Variants in ZC2HC1B observed in about 807,000 individuals in gnomAD.
ZC2HC1B encodes zinc finger C2HC domain-containing protein 1B.
ZC2HC1B carries 36 observed loss-of-function variants against 31.0 expected under a neutral mutation model. The observed-to-expected ratio is 1.16, with a 90% confidence interval of 0.89 to 1.54. The LOEUF is 1.54. ZC2HC1B is among the 40% of genes most tolerant of loss of function. The pLI is 0.00. For missense variants in ZC2HC1B, 260 were observed against 268.6 expected, an observed-to-expected ratio of 0.97 and a Z score of 0.22; for synonymous variants, 73 against 88.0, an observed-to-expected ratio of 0.83 and a Z score of 0.95.
chr6:143,933,098 G>C lies in ZC2HC1B; in HGVS notation c.599-4551G>C, dbSNP rs961408506. 6.6e-6 allele frequency among the ~76,000 whole-genome samples: 1 copy of C among 152,234 alleles called. No individual in the cohort carries two copies. The highest frequency in any genetic ancestry group is 2.1e-4 in the South Asian group (1 of 4,834). ...GTCCTTGGTTGTAAATATGTTTACT[G>C]TGTTGTCTTTCTTGAATGCTGGTTA... On this transcript the variant is annotated intron_variant, in intron 6 of 7. Coordinates refer to ENST00000237275, the MANE Select transcript of ZC2HC1B (RefSeq NM_001013623.3). This position sits in a 1 kb window ranked among gnomAD's most constrained non-coding sequence, Gnocchi z 6.4.
At chr6:143,912,340 G>A (rs1349086734) in intron 6 of ZC2HC1B, among the ~76,000 whole-genome samples, 1 of 152,180 alleles carries the variant, frequency 6.6e-6, no homozygotes, top group Admixed American at 6.5e-5. Context: ...AGGAAAAGGG[G>A]CACTCTGGCT....
In ZC2HC1B at chr6:143,868,765, C is replaced by T. The variant is rs914591566; in HGVS notation, c.28+4198C>T. 1.3e-5 allele frequency among the ~76,000 whole-genome samples: 2 copies of T among 152,194 alleles called. No individual in the cohort carries two copies. The highest frequency in any genetic ancestry group is 4.8e-5 in the African/African-American group (2 of 41,462). ...ATAATAAGGTCATAATTATGCCTAA[C>T]GTAATACAACTATCCTTAATACAAC... is the stretch of plus-strand genomic sequence containing the variant. On this transcript the variant is annotated intron_variant, in intron 1 of 7. Coordinates refer to ENST00000237275, the MANE Select transcript of ZC2HC1B (RefSeq NM_001013623.3). The surrounding 1 kb of genome is among the most constrained non-coding windows in gnomAD (Gnocchi z 4.2).
At chr6:143,902,941 C>A in intron 5 of ZC2HC1B, 103 bp from the exon 6 acceptor site, 1 of 1,029,332 alleles carries the variant, frequency 9.7e-7, no homozygotes, top group Non-Finnish European at 1.4e-6. Flanking sequence ...GCAGATGATA[C>A]CATTCTGCTG....
At chr6:143,926,366 C>T (rs146422481) in intron 6 of ZC2HC1B, among the ~76,000 whole-genome samples, 3,941 of 152,276 alleles carry the variant, frequency 0.026, 101 homozygotes, top group Admixed American at 0.073. Flanking sequence ...CTGTCTTCTT[C>T]ATTGACCCAA....
At chr6:143,925,566 C>T (rs1269138202) in intron 6 of ZC2HC1B, among the ~76,000 whole-genome samples, 7 of 123,704 alleles carry the variant, frequency 5.7e-5, no homozygotes, top group African/African-American at 9.4e-5. Context: ...GACGGAGTTT[C>T]GCTCTTGTTG....
In ZC2HC1B at chr6:143,872,013, ACATCAGCTCAGAGCCAGTGTC is replaced by A. The variant is rs367825076; in HGVS notation, c.28+7449_28+7469del. On this transcript the variant is annotated intron_variant, in intron 1 of 7. Coordinates refer to ENST00000237275, the MANE Select transcript of ZC2HC1B (RefSeq NM_001013623.3). This position sits in a 1 kb window ranked among gnomAD's most constrained non-coding sequence, Gnocchi z 5.5. ...TGACGTTTTGGGTCCCCTGGAATCA[ACATCAGCTCAGAGCCAGTGTC>A]CAGTAGTTTCCGAAATGTCTGATCA... is the stretch of plus-strand genomic sequence containing the variant. Among the ~76,000 whole-genome samples the A allele has an allele frequency of 0.01, 1,525 of 152,324 alleles. 24 individuals carry two copies. The highest frequency in any genetic ancestry group is 0.034 in the African/African-American group (1,410 of 41,570).
chr6:143,888,107 G>A (rs566119447), intron 4 of ZC2HC1B, among the ~76,000 whole-genome samples: 7 of 151,872 alleles, frequency 4.6e-5, no homozygotes, highest in African/African-American at 1.2e-4. Context: ...TTCCAACATC[G>A]TTTTTTTGCA....
rs1218656145 is a variant in ZC2HC1B, at chr6:143,934,541, C to G, written c.599-3108C>G. Among the ~76,000 whole-genome samples the G allele has an allele frequency of 6.6e-6, 1 of 152,116 alleles. No homozygotes were observed. Among genetic ancestry groups the G allele is most frequent in the Non-Finnish European group, 1.5e-5 (1 of 68,040 alleles). ...TTTTATGTTTCTTGTGTTCCTATGC[C>G]AATATCTCTGCATCTGGTGTAACAG... On this transcript the variant is annotated intron_variant, in intron 6 of 7. Transcript: ENST00000237275. This position sits in a 1 kb window ranked among gnomAD's most constrained non-coding sequence, Gnocchi z 4.6.
chr6:143,891,724 A>G (rs573223356), intron 4 of ZC2HC1B, among the ~76,000 whole-genome samples: 1 of 152,046 alleles, frequency 6.6e-6, no homozygotes, highest in East Asian at 1.9e-4. Flanking sequence ...AAAAAAGAAA[A>G]AAAAGAAATT....
At position 143,864,507 on chromosome 6, in the gene ZC2HC1B, CTG is replaced by C. The variant is rs1314949797; in HGVS notation, c.-30_-29del. The C allele has an allele frequency of 1.9e-6, 3 of 1,551,370 alleles. No individual in the cohort carries two copies. Among genetic ancestry groups the C allele is most frequent in the South Asian group, 2.4e-5 (2 of 84,054 alleles). On this transcript the variant is annotated 5_prime_UTR_variant, in exon 1 of 8. It removes the in-frame stop codon of an upstream open reading frame in the 5' UTR. Coordinates refer to ENST00000237275, the MANE Select transcript of ZC2HC1B (RefSeq NM_001013623.3). ...GTTATCTGGACTGGGCTGTAAAAATCTGTGAACACTGTTGCTCTGAGTTAGGA... is the reference window on the plus strand; with the variant it reads ...GTTATCTGGACTGGGCTGTAAAAATCTGAACACTGTTGCTCTGAGTTAGGA...
At chr6:143,926,327 C>T (rs1440780656) in intron 6 of ZC2HC1B, among the ~76,000 whole-genome samples, 5 of 152,126 alleles carry the variant, frequency 3.3e-5, no homozygotes, top group African/African-American at 4.8e-5. Flanking sequence ...TGTTTCCATT[C>T]TCATTTGTCT....
At chr6:143,925,391 G>C (rs1211030555) in intron 6 of ZC2HC1B, among the ~76,000 whole-genome samples, 1 of 151,418 alleles carries the variant, frequency 6.6e-6, no homozygotes, top group Non-Finnish European at 1.5e-5. Context: ...TAGCCAGGAT[G>C]GTCTCGATCT....
intron 6 of ZC2HC1B, among the ~76,000 whole-genome samples, chr6:143,909,695 A>G (rs570117493): frequency 4.6e-5 from 7 of 151,850 alleles, no homozygotes; most frequent in African/African-American, 1.2e-4. Context: ...GTGTATGTGC[A>G]TAGGGTTGTT....
In ZC2HC1B at chr6:143,884,128, A is replaced by G. The variant is rs980416275; in HGVS notation, c.29-176A>G. 2.0e-5 allele frequency among the ~76,000 whole-genome samples: 3 copies of G among 152,238 alleles called. No homozygotes were observed. The highest frequency in any genetic ancestry group is 7.2e-5 in the African/African-American group (3 of 41,462). On this transcript the variant is annotated intron_variant, in intron 1 of 7. Coordinates refer to ENST00000237275, the MANE Select transcript of ZC2HC1B (RefSeq NM_001013623.3). The surrounding 1 kb of genome is among the most constrained non-coding windows in gnomAD (Gnocchi z 5.1). ...TGAAGTGAGGAGTTTATATCAGGAAAGGAAAACACAGGTGAGTTTAGTTTA... is the reference window on the plus strand; with the variant it reads ...TGAAGTGAGGAGTTTATATCAGGAAGGGAAAACACAGGTGAGTTTAGTTTA...
chr6:143,898,423 A>G (rs904878865), intron 4 of ZC2HC1B, 129 bp from the exon 5 acceptor site: 1 of 1,187,184 alleles, frequency 8.4e-7, no homozygotes, highest in African/African-American at 1.5e-5. Flanking sequence ...AGCCTCACAG[A>G]GTGCTGGGAT....
At chr6:143,937,760 C>A in intron 7 of ZC2HC1B, 27 bp downstream of exon 7, 1 of 1,493,974 alleles carries the variant, frequency 6.7e-7, no homozygotes, top group South Asian at 1.2e-5. Flanking sequence ...ACCGCTAATC[C>A]AGCTGTTGCT....
Position 143,913,112 on chromosome 6 carries a change from C to G in ZC2HC1B, c.598+9960C>G, listed in dbSNP as rs2128496199. Among the ~76,000 whole-genome samples the G allele has an allele frequency of 6.6e-6, 1 of 152,350 alleles. No individual in the cohort carries two copies. ...CACAGTCCAGAACAGCTAAGTCATC[C>G]AACCAACCCAGGTGACAGCCCTCCC... On this transcript the variant is annotated intron_variant, in intron 6 of 7. Transcript: ENST00000237275. This position sits in a 1 kb window ranked among gnomAD's most constrained non-coding sequence, Gnocchi z 5.7.
chr6:143,925,984 A>G (rs1054293167), intron 6 of ZC2HC1B, among the ~76,000 whole-genome samples: 5 of 151,848 alleles, frequency 3.3e-5, no homozygotes, highest in Non-Finnish European at 5.9e-5. Context: ...TTTGTTTGTG[A>G]TTTTGCTAAT....
chr6:143,882,021 T>C (rs1039231032), intron 1 of ZC2HC1B, among the ~76,000 whole-genome samples: 1 of 152,258 alleles, frequency 6.6e-6, no homozygotes, highest in Middle Eastern at 3.4e-3. Flanking sequence ...ACAGTCTTAA[T>C]ACTTGGAAAG....
Sources: gnomAD v4.1 joint callset for allele counts (sites outside exome capture counted in the v4.1 genomes callset) on GRCh38, gnomAD v4.1.1 for gene constraint, Gnocchi (gnomAD v3.1) non-coding constraint, MANE v1.5 for transcripts, NCBI Gene and HGNC (gene_info 2026-07-23, HGNC 2026-07-21) for gene names.